TNRC6A: variants seen among roughly 807,000 people sequenced by gnomAD.
The protein encoded by TNRC6A is trinucleotide repeat-containing gene 6A protein.
TNRC6A carries 44 observed loss-of-function variants against 221.2 expected under a neutral mutation model. The ratio of observed to expected loss-of-function variants is 0.20; its 90% CI spans 0.16 to 0.26. TNRC6A has a LOEUF of 0.26. TNRC6A is among the 10% of genes least tolerant of loss of function. The pLI is 1.00. For missense variants in TNRC6A, 2,199 were observed against 2,404.4 expected (o/e 0.91, Z 1.79); for synonymous variants, 847 against 838.5 (o/e 1.01, Z -0.18).
intron 2 of TNRC6A, chr16:24,671,168 G>A: frequency 4.8e-6 from 1 of 208,200 alleles, no homozygotes; most frequent in Non-Finnish European, 1.0e-5. Flanking sequence ...CACCGTTAAT[G>A]CCTCACTGTG....
chr16:24,693,192 C>T (rs2055789984), intron 2 of TNRC6A, among the ~76,000 whole-genome samples: 1 of 151,904 alleles, frequency 6.6e-6, no homozygotes, highest in Non-Finnish European at 1.5e-5. Flanking sequence ...CAGTGGCTCA[C>T]ATCTGTAATT....
At chr16:24,822,272 G>A (rs779077864) in intron 23 of TNRC6A, 125 bp downstream of exon 23, 62 of 920,430 alleles carry the variant, frequency 6.7e-5, no homozygotes, top group Non-Finnish European at 1.0e-4. Flanking sequence ...AACAGCAGAG[G>A]AGTGGTCTGT....
intron 2 of TNRC6A, among the ~76,000 whole-genome samples, chr16:24,718,690 A>G (rs1435816178): frequency 4.5e-4 from 68 of 152,134 alleles, no homozygotes; most frequent in Non-Finnish European, 1.5e-5. Flanking sequence ...GGACCTTATC[A>G]GATTAACTAG....
At chr16:24,781,777 C>T (rs928706978) in intron 5 of TNRC6A, among the ~76,000 whole-genome samples, 1 of 152,090 alleles carries the variant, frequency 6.6e-6, no homozygotes, top group Admixed American at 6.5e-5. Flanking sequence ...TCTTCCCTCT[C>T]CTATATGTCT....
chr16:24,790,551 T>C lies in TNRC6A; in HGVS notation c.1909T>C (p.Phe637Leu). ...TAGTGCAAATGGCAATGGTAAGACG[T>C]TTACAAATGGATGGAAATCTACTGA... Reference protein sequence around the residue: ...NDSANGNGKTFTNGWKSTEEE... With the variant: ...NDSANGNGKTLTNGWKSTEEE... The change falls in exon 6 of 25, where the codon TTT becomes CTT. Residue 637 changes from phenylalanine (F) to leucine (L), a missense_variant. This residue lies in a region of TNRC6A where 1,405 missense variants were observed against 1,400.2 expected (regional missense o/e 1.00). Coordinates refer to ENST00000395799, the MANE Select transcript of TNRC6A (RefSeq NM_014494.4). 6.2e-7 allele frequency: 1 copy of C among 1,614,074 alleles called. No individual in the cohort carries two copies. The highest frequency in any genetic ancestry group is 8.5e-7 in the Non-Finnish European group (1 of 1,180,020).
In TNRC6A at chr16:24,790,748, A is replaced by G. The variant is rs2058081084; in HGVS notation, c.2106A>G (p.Thr702=). 1.9e-6 allele frequency: 3 copies of G among 1,614,140 alleles called. No homozygotes were observed. The highest frequency in any genetic ancestry group is 1.1e-5 in the South Asian group (1 of 91,074). The change falls in exon 6 of 25, where the codon ACA becomes ACG. Residue 702 remains threonine, a synonymous_variant. Transcript: ENST00000395799. ...SRDRRKIDQH[T]LLQSIVNRTD... Reference sequence around the variant, plus strand: ...ACAGAAGAAAAATTGATCAGCACACATTACTCCAAAGCATTGTAAACAGAA... The same window carrying G: ...ACAGAAGAAAAATTGATCAGCACACGTTACTCCAAAGCATTGTAAACAGAA...
chr16:24,723,346 C>A (rs1369009807), intron 2 of TNRC6A, among the ~76,000 whole-genome samples: 1 of 152,106 alleles, frequency 6.6e-6, no homozygotes, highest in African/African-American at 2.4e-5. Flanking sequence ...GTAATCCCAG[C>A]ACTTTGGCAG....
At chr16:24,705,063 T>A (rs904098985) in intron 2 of TNRC6A, among the ~76,000 whole-genome samples, 3 of 152,316 alleles carry the variant, frequency 2.0e-5, no homozygotes, top group Admixed American at 6.5e-5. Context: ...ATGCTAATGA[T>A]TAGTACCTAT....
chr16:24,794,746 G>A (rs781011441), intron 8 of TNRC6A, 27 bp downstream of exon 8: 1 of 1,575,802 alleles, frequency 6.3e-7, no homozygotes. Context: ...CAAAGCCCTT[G>A]AAACTTTAAA....
At chr16:24,713,539 T>C (rs1335307777) in intron 2 of TNRC6A, among the ~76,000 whole-genome samples, 2 of 152,228 alleles carry the variant, frequency 1.3e-5, no homozygotes, top group Non-Finnish European at 2.9e-5. Context: ...GTGTTTCTAA[T>C]GGGAAGTCTG....
At chr16:24,651,676 T>A (rs952770708) in intron 2 of TNRC6A, among the ~76,000 whole-genome samples, 1 of 148,820 alleles carries the variant, frequency 6.7e-6, no homozygotes, top group African/African-American at 2.5e-5. Context: ...CTGGGCAACA[T>A]AGTGAGACAC....
At chr16:24,704,664 CAAAAAAAA>C (rs58926085) in intron 2 of TNRC6A, among the ~76,000 whole-genome samples, 9 of 69,456 alleles carry the variant, frequency 1.3e-4, no homozygotes, top group South Asian at 5.8e-4. Flanking sequence ...GACTCCGTCT[CAAAAAAAA>C]AAAAAAAAAA....
At chr16:24,758,087 C>A (rs1596628683) in intron 3 of TNRC6A, among the ~76,000 whole-genome samples, 1 of 152,146 alleles carries the variant, frequency 6.6e-6, no homozygotes, top group African/African-American at 2.4e-5. Flanking sequence ...ACAGTGATGT[C>A]TTCTATGCTT....
chr16:24,703,208 T>C (rs1188218861), intron 2 of TNRC6A, among the ~76,000 whole-genome samples: 1 of 152,036 alleles, frequency 6.6e-6, no homozygotes, highest in African/African-American at 2.4e-5. Context: ...TCCTGATCAC[T>C]CACTCCCGGC....
intron 4 of TNRC6A, among the ~76,000 whole-genome samples, chr16:24,763,589 C>A (rs557466262): frequency 6.6e-6 from 1 of 152,172 alleles, no homozygotes; most frequent in Non-Finnish European, 1.5e-5. Flanking sequence ...AAAATACTTA[C>A]GTAATAATCC....
chr16:24,672,918 T>C lies in TNRC6A; in HGVS notation n.402+31909T>C, dbSNP rs375089145. 2.6e-5 allele frequency among the ~76,000 whole-genome samples: 4 copies of C among 152,142 alleles called. No homozygotes were observed. The East Asian group carries it at 5.8e-4, about 22-fold the overall frequency. Reference sequence around the variant, plus strand: ...CATTGTGTCATCAATAGTACTATTCTGGCTGGGCACAGTGGCTCATACCTG... The same window carrying C: ...CATTGTGTCATCAATAGTACTATTCCGGCTGGGCACAGTGGCTCATACCTG... On this transcript the variant is annotated intron_variant and non_coding_transcript_variant, in intron 2 of 2. Coordinates refer to the TNRC6A transcript ENST00000566108.
At chr16:24,803,011 G>A (rs1018652227) in intron 11 of TNRC6A, among the ~76,000 whole-genome samples, 36 of 152,180 alleles carry the variant, frequency 2.4e-4, no homozygotes, top group Admixed American at 4.6e-4. Context: ...GAGGAGAGGA[G>A]CAGACAGAGC....
chr16:24,678,992 G>C, intron 2 of TNRC6A, among the ~76,000 whole-genome samples: 1 of 117,598 alleles, frequency 8.5e-6, no homozygotes, highest in South Asian at 3.2e-4. Flanking sequence ...TTAAAACATT[G>C]AATTTTTTTT....
intron 1 of TNRC6A, among the ~76,000 whole-genome samples, chr16:24,630,273 G>T (rs1901265542): frequency 1.3e-5 from 2 of 152,166 alleles, no homozygotes; most frequent in East Asian, 3.9e-4. Flanking sequence ...CCTGCTCAGG[G>T]ACTCTGCTCC....
Sources: allele counts gnomAD v4.1 joint callset (sites outside exome capture counted in the v4.1 genomes callset), GRCh38; gene constraint gnomAD v4.1.1; regional missense constraint gnomAD v4.1.1; transcripts MANE v1.5; gene names NCBI Gene and HGNC (gene_info 2026-07-23, HGNC 2026-07-21).